The following ZFAT variants were observed in gnomAD, a reference collection of about 807,000 sequenced individuals.
The protein encoded by ZFAT is zinc finger and AT-hook domain containing.
A neutral mutation model predicts 117.7 loss-of-function variants in ZFAT; 64 were observed. The observed-to-expected ratio is 0.54, with a 90% confidence interval of 0.44 to 0.67. The LOEUF is 0.67. ZFAT is among the 30% of genes least tolerant of loss of function. The pLI is 0.00. For synonymous variants in ZFAT, 679 were observed against 615.0 expected (o/e 1.10, Z -1.54); for missense variants, 1,433 against 1,584.5 (o/e 0.90, Z 1.62).
intron 5 of ZFAT, among the ~76,000 whole-genome samples, chr8:134,607,653 C>T (rs1827994635): frequency 1.3e-5 from 2 of 152,206 alleles, no homozygotes; most frequent in South Asian, 4.1e-4. Flanking sequence ...AGGTCTATTT[C>T]ATTCTGAAGC....
rs947143389 is a variant in ZFAT, at chr8:134,591,980, G to A, written c.2476-1625C>T. ...GCTTACCAAGCCCACAGCTTACAGA[G>A]AGCCAAACCCTGGTAGGGAGGACTC... On this transcript the variant is annotated intron_variant, in intron 7 of 15. Coordinates refer to ENST00000377838, the MANE Select transcript of ZFAT (RefSeq NM_020863.4). Among the ~76,000 whole-genome samples, 18 of 151,938 alleles carry A rather than the reference G, an allele frequency of 1.2e-4. 1 individual carries two copies.
At chr8:134,571,243 T>G (rs1462523920) in intron 10 of ZFAT, among the ~76,000 whole-genome samples, 1 of 150,846 alleles carries the variant, frequency 6.6e-6, no homozygotes, top group Non-Finnish European at 1.5e-5. Context: ...CATGAGGGAG[T>G]GTGGAAGAGG....
Position 134,704,354 on chromosome 8 carries a change from T to C in ZFAT, c.19+8491A>G, listed in dbSNP as rs535362443. Among the ~76,000 whole-genome samples the C allele has an allele frequency of 6.6e-5, 10 of 152,292 alleles. No individual in the cohort carries two copies. In the South Asian group the frequency reaches 1.9e-3, roughly 28 times the overall value. Reference sequence around the variant, plus strand: ...CTGCACGTAGGAAACCTGCAGAGTTTTCATGTCCCTGAGCCTGTTATGTTC... The same window carrying C: ...CTGCACGTAGGAAACCTGCAGAGTTCTCATGTCCCTGAGCCTGTTATGTTC... On this transcript the variant is annotated intron_variant, in intron 1 of 15. Coordinates refer to ENST00000377838, the MANE Select transcript of ZFAT (RefSeq NM_020863.4).
chr8:134,599,455 C>G (rs1827237355), intron 7 of ZFAT: 1 of 251,380 alleles, frequency 4.0e-6, no homozygotes, highest in Non-Finnish European at 7.9e-6. Context: ...GTATCTTATA[C>G]AGAAGGCTAT....
intron 3 of ZFAT, among the ~76,000 whole-genome samples, chr8:134,614,289 A>G (rs1828561846): frequency 6.6e-6 from 1 of 152,126 alleles, no homozygotes. Flanking sequence ...TTGGGCTCCA[A>G]CAATGCTGAA....
At chr8:134,716,960 A>G (rs953309788), upstream of ZFAT, among the ~76,000 whole-genome samples, 3 of 152,190 alleles carry the variant, frequency 2.0e-5, no homozygotes, top group Admixed American at 6.5e-5. Context: ...AGAGTAAGTC[A>G]AAGACTTCCA....
the ZFAT span, among the ~76,000 whole-genome samples, chr8:134,814,436 C>T: frequency 4.1e-3 from 628 of 152,306 alleles, 3 homozygotes; most frequent in South Asian, 0.014. Context: ...TAAAATAAGA[C>T]ATGCTGTCAT....
chr8:134,532,798 G>A, intron 12 of ZFAT, 36 bp downstream of exon 12: 2 of 1,602,966 alleles, frequency 1.2e-6, no homozygotes, highest in Non-Finnish European at 1.7e-6. Flanking sequence ...CTAAAAGGAA[G>A]CGGGCAGGGC....
At chr8:134,658,979 ATGG>A (rs1649246162) in intron 1 of ZFAT, among the ~76,000 whole-genome samples, 1 of 152,234 alleles carries the variant, frequency 6.6e-6, no homozygotes, top group Admixed American at 6.5e-5. Context: ...CTCTGCACCC[ATGG>A]TGTGCCCTCG....
rs1563655178 is a variant in ZFAT at position 134,600,662 on chromosome 8, A to T, written c.2249T>A (p.Leu750His). Residue 750 changes from leucine (L) to histidine (H), a missense_variant, in exon 7 of 16, where the codon CTT (leucine) becomes CAT (histidine). By Grantham distance (99) the Leu-to-His change is moderately conservative. Around this residue, in one of 5 missense-constraint regions of ZFAT, gnomAD observed 372 missense variants for 355.6 expected, o/e 1.05. Transcript: ENST00000377838. ...GDLECEYCGK[L>H]FWYQVHFDMH... ...ATCAAAATGCACTTGGTACCAAAAA[A>T]GTTTGCCTAAAAAAATATTTTCACA... 6.3e-7 allele frequency: 1 copy of T among 1,575,334 alleles called. No individual in the cohort carries two copies. The highest frequency in any genetic ancestry group is 8.6e-7 in the Non-Finnish European group (1 of 1,159,674).
intron 11 of ZFAT, 23 bp from the exon 12 acceptor site, chr8:134,532,995 T>C: frequency 6.3e-7 from 1 of 1,584,128 alleles, no homozygotes; most frequent in Non-Finnish European, 8.6e-7. Context: ...TGAGGAGGGG[T>C]TAGGAAAGGT....
chr8:134,814,223 G>C, the ZFAT span, among the ~76,000 whole-genome samples: 2 of 152,126 alleles, frequency 1.3e-5, no homozygotes, highest in Non-Finnish European at 2.9e-5. Flanking sequence ...ATGAACTCAT[G>C]TGCTAGCGTT....
chr8:134,669,294 C>T (rs958150033), intron 1 of ZFAT, among the ~76,000 whole-genome samples: 1 of 152,028 alleles, frequency 6.6e-6, no homozygotes, highest in Non-Finnish European at 1.5e-5. Flanking sequence ...CCAAGACAAA[C>T]AATTGTCAGA....
In ZFAT at chr8:134,478,323, C is replaced by T. The variant is rs941974822; in HGVS notation, c.*159G>A. 4.5e-6 allele frequency: 5 copies of T among 1,099,874 alleles called. No individual in the cohort carries two copies. The highest frequency in any genetic ancestry group is 5.2e-5 in the East Asian group (2 of 38,384). The allele number at this position is 1,099,874 out of a possible 1,614,324, so 68.1% of individuals were successfully genotyped here. A position where few individuals can be genotyped will look rare whatever the true frequency, so the allele number is the denominator to read the frequency against. Reference sequence around the variant, plus strand: ...TGCTGGTGATGCTGACTGCCTTGCCCACCCCAAGTTGGACTAGGAGAGTCC... The same window carrying T: ...TGCTGGTGATGCTGACTGCCTTGCCTACCCCAAGTTGGACTAGGAGAGTCC... On this transcript the variant is annotated 3_prime_UTR_variant, in exon 16 of 16. Transcript: ENST00000377838. The surrounding 1 kb of genome is among the most constrained non-coding windows in gnomAD (Gnocchi z 5.2).
At chr8:134,565,455 C>T (rs1267501674) in intron 10 of ZFAT, 34 bp from the exon 11 acceptor site, 1 of 1,595,814 alleles carries the variant, frequency 6.3e-7, no homozygotes, top group Non-Finnish European at 8.6e-7. Context: ...TGAGCGTCGC[C>T]AGGCCAACAG....
chr8:134,612,137 C>T (rs1586816226), intron 3 of ZFAT, among the ~76,000 whole-genome samples: 1 of 152,282 alleles, frequency 6.6e-6, no homozygotes, highest in African/African-American at 2.4e-5. Context: ...CTCAAATAAC[C>T]TGCCCAAAAT....
chr8:134,713,855 T>A (rs1814139866), upstream of ZFAT, among the ~76,000 whole-genome samples: 1 of 147,508 alleles, frequency 6.8e-6, no homozygotes, highest in Non-Finnish European at 1.5e-5. Flanking sequence ...CTACGTAGCA[T>A]CCATTCCTAT....
At chr8:134,622,240 C>T (rs567507623) in intron 3 of ZFAT, among the ~76,000 whole-genome samples, 4 of 152,328 alleles carry the variant, frequency 2.6e-5, no homozygotes, top group South Asian at 4.1e-4. Flanking sequence ...TAGCTTTGTG[C>T]GTTTTCCCCA....
intron 2 of ZFAT, among the ~76,000 whole-genome samples, chr8:134,653,728 A>G (rs1831423967): frequency 6.6e-6 from 1 of 152,118 alleles, no homozygotes; most frequent in African/African-American, 2.4e-5. Context: ...TTATACCTCA[A>G]TAAAACTAAA....
Sources: gnomAD v4.1 joint callset for allele counts (sites outside exome capture counted in the v4.1 genomes callset) on GRCh38, gnomAD v4.1.1 for gene constraint, gnomAD v4.1.1 regional missense constraint, Gnocchi (gnomAD v3.1) non-coding constraint, MANE v1.5 for transcripts, NCBI Gene and HGNC (gene_info 2026-07-23, HGNC 2026-07-21) for gene names.